The following PCDHGA5 variants were observed in gnomAD, a reference collection of about 807,000 sequenced individuals.
PCDHGA5 encodes the protein protocadherin gamma subfamily A, 5.
Under a neutral mutation model 56.7 loss-of-function variants are expected in PCDHGA5, and 36 were observed. The ratio of observed to expected loss-of-function variants is 0.64; its 90% CI spans 0.49 to 0.84. The LOEUF (loss-of-function observed/expected upper bound fraction) is 0.84. PCDHGA5 is among the 40% of genes least tolerant of loss of function. The pLI is 0.00. For missense variants in PCDHGA5, 1,305 were observed against 1,201.5 expected (o/e 1.09, Z -1.27); for synonymous variants, 563 against 520.2 (o/e 1.08, Z -1.12).
chr5:141,477,512 A>G lies in PCDHGA5; in HGVS notation c.2422-17295A>G. 1.9e-6 allele frequency: 3 copies of G among 1,614,156 alleles called. No homozygotes were observed. Among genetic ancestry groups the G allele is most frequent in the South Asian group, 2.2e-5 (2 of 91,072 alleles). ...TTCTCAATCTTCCTACGACGTTTAC[A>G]TTGAAGAAAACAACCTCCCCGGGGC... On this transcript the variant is annotated intron_variant, in intron 1 of 3. Transcript: ENST00000518069. This position sits in a 1 kb window ranked among gnomAD's most constrained non-coding sequence, Gnocchi z 4.9.
Position 141,432,521 on chromosome 5 carries a change from G to C in PCDHGA5, c.2422-62286G>C. ...CCGCTCCGCAGAGCCCGGCTACCTG[G>C]TGACCAAGGTGGTGGCGGTGGACAG... On this transcript the variant is annotated intron_variant, in intron 1 of 3. Transcript: ENST00000518069. The surrounding 1 kb of genome is among the most constrained non-coding windows in gnomAD (Gnocchi z 6.0). 1.2e-6 allele frequency: 2 copies of C among 1,614,112 alleles called. No individual in the cohort carries two copies. The highest frequency in any genetic ancestry group is 1.7e-6 in the Non-Finnish European group (2 of 1,180,028).
rs751560177 is a variant in PCDHGA5 at position 141,432,962 on chromosome 5, G to T, written c.2422-61845G>T. 7 of 1,614,092 alleles carry T rather than the reference G, an allele frequency of 4.3e-6. No individual in the cohort carries two copies. The highest frequency in any genetic ancestry group is 5.9e-6 in the Non-Finnish European group (7 of 1,180,046). Reference sequence around the variant, plus strand: ...GGCTTCAGGAGGCGGCTTGACAGGAGCGCCGGCGTCGCACTTTGTGGGCGT... The same window carrying T: ...GGCTTCAGGAGGCGGCTTGACAGGATCGCCGGCGTCGCACTTTGTGGGCGT... On this transcript the variant is annotated intron_variant, in intron 1 of 3. Transcript: ENST00000518069. The surrounding 1 kb of genome is among the most constrained non-coding windows in gnomAD (Gnocchi z 6.0).
At chr5:141,409,125 A>AT in intron 1 of PCDHGA5, 1 of 1,613,982 alleles carries the variant, frequency 6.2e-7, no homozygotes, top group African/African-American at 1.3e-5. Flanking sequence ...CAGTCATTTG[A>AT]TTTTGAAGAT....
At chr5:141,367,105 T>G (rs1303290494) in intron 1 of PCDHGA5, 2 of 234,148 alleles carry the variant, frequency 8.5e-6, no homozygotes, top group East Asian at 2.4e-4. Flanking sequence ...AGTGTCTGCC[T>G]AGACACCATT....
intron 1 of PCDHGA5, among the ~76,000 whole-genome samples, chr5:141,463,896 T>C (rs982611169): frequency 2.0e-5 from 3 of 152,192 alleles, no homozygotes; most frequent in African/African-American, 7.2e-5. Flanking sequence ...CCTTGCTTTT[T>C]GTACTAATAA....
At chr5:141,380,251 G>C (rs1158039296) in intron 1 of PCDHGA5, among the ~76,000 whole-genome samples, 1 of 152,122 alleles carries the variant, frequency 6.6e-6, no homozygotes, top group Non-Finnish European at 1.5e-5. Context: ...AATTGTCAAA[G>C]GGGAAGGAGT....
chr5:141,411,765 T>A (rs796485295), intron 1 of PCDHGA5: 1 of 152,418 alleles, frequency 6.6e-6, no homozygotes, highest in South Asian at 2.1e-4. Context: ...GCCTGTGGTC[T>A]CAGCTACTCT....
At chr5:141,370,613 A>G (rs753080361) in intron 1 of PCDHGA5, 6 of 1,613,908 alleles carry the variant, frequency 3.7e-6, no homozygotes, top group Non-Finnish European at 5.1e-6. Context: ...CAGAGAAGAA[A>G]TTCTTTACCG....
At chr5:141,413,089 C>A in intron 1 of PCDHGA5, 1 of 1,401,120 alleles carries the variant, frequency 7.1e-7, no homozygotes, top group Non-Finnish European at 9.7e-7. Context: ...TACAGAGACA[C>A]CCTGAAGCCA....
intron 1 of PCDHGA5, among the ~76,000 whole-genome samples, chr5:141,424,839 A>G (rs1264853498): frequency 6.6e-6 from 1 of 152,198 alleles, no homozygotes; most frequent in Non-Finnish European, 1.5e-5. Context: ...CATACATGTT[A>G]TCTGAAGCAA....
Position 141,431,278 on chromosome 5 carries a change from C to A in PCDHGA5, c.2422-63529C>A, listed in dbSNP as rs755533628. On this transcript the variant is annotated intron_variant, in intron 1 of 3. Transcript: ENST00000518069. The surrounding 1 kb of genome is among the most constrained non-coding windows in gnomAD (Gnocchi z 4.8). ...ACTCTCTGCAGAGCTACGAGCTCAG[C>A]CCGAACACTCACTTCTCCCTCATCG... 6.2e-7 allele frequency: 1 copy of A among 1,614,170 alleles called. No individual in the cohort carries two copies. The highest frequency in any genetic ancestry group is 8.5e-7 in the Non-Finnish European group (1 of 1,180,038).
chr5:141,399,030 G>C, intron 1 of PCDHGA5: 1 of 1,613,824 alleles, frequency 6.2e-7, no homozygotes, highest in Non-Finnish European at 8.5e-7. Flanking sequence ...CCACTCAAAA[G>C]AAACTGGATT....
intron 1 of PCDHGA5, chr5:141,413,345 G>A (rs2095628318): frequency 8.7e-6 from 14 of 1,613,996 alleles, no homozygotes; most frequent in Non-Finnish European, 1.0e-5. Flanking sequence ...AAGGACTTGG[G>A]TCTGGCGCCC....
At chr5:141,394,991 G>C (rs1282662717) in intron 1 of PCDHGA5, 1 of 1,614,012 alleles carries the variant, frequency 6.2e-7, no homozygotes, top group East Asian at 2.2e-5. Flanking sequence ...GCCTGCTCCA[G>C]GATTCCGGTG....
chr5:141,417,528 A>G, intron 1 of PCDHGA5: 1 of 277,368 alleles, frequency 3.6e-6, no homozygotes, highest in Non-Finnish European at 6.7e-6. Context: ...GTCAACTCGT[A>G]GTTTAAAAAA....
intron 1 of PCDHGA5, among the ~76,000 whole-genome samples, chr5:141,405,967 G>A (rs76683972): frequency 6.6e-6 from 1 of 152,068 alleles, no homozygotes; most frequent in Non-Finnish European, 1.5e-5. Flanking sequence ...TGCTGTCAAC[G>A]TAAACCATAC....
At position 141,427,625 on chromosome 5, in the gene PCDHGA5, T is replaced by G. The variant is rs150347956; in HGVS notation, c.2421+60874T>G. On this transcript the variant is annotated intron_variant, in intron 1 of 3. Coordinates refer to ENST00000518069, the MANE Select transcript of PCDHGA5 (RefSeq NM_018918.3). Reference sequence around the variant, plus strand: ...GCATTGGTGAAGTCAACGACAATGCTCCGGTTTTCCACCAAGTCTCCTACG... The same window carrying G: ...GCATTGGTGAAGTCAACGACAATGCGCCGGTTTTCCACCAAGTCTCCTACG... The G allele has an allele frequency of 2.7e-3, 1,907 of 699,068 alleles. 5 individuals are homozygous for G. The highest frequency in any genetic ancestry group is 4.1e-3 in the Non-Finnish European group (1,558 of 384,098). The allele number at this position is 699,068 out of a possible 1,614,324, so 43.3% of individuals were successfully genotyped here.
chr5:141,487,485 G>A lies in PCDHGA5; in HGVS notation c.2422-7322G>A. On this transcript the variant is annotated intron_variant, in intron 1 of 3. Transcript: ENST00000518069. The surrounding 1 kb of genome is among the most constrained non-coding windows in gnomAD (Gnocchi z 5.0). ...GTTGATGTGGGAGGCCACTCTCATG[G>A]CTGTACACCCTTGGCTTCTGCACCC... The A allele has an allele frequency of 6.2e-7, 1 of 1,614,164 alleles. No homozygotes were observed. Among genetic ancestry groups the A allele is most frequent in the Non-Finnish European group, 8.5e-7 (1 of 1,180,030 alleles).
chr5:141,490,566 C>T lies in PCDHGA5; in HGVS notation c.2422-4241C>T. 3 of 1,614,132 alleles carry T rather than the reference C, an allele frequency of 1.9e-6. No homozygotes were observed. Among genetic ancestry groups the T allele is most frequent in the Non-Finnish European group, 2.5e-6 (3 of 1,180,028 alleles). On this transcript the variant is annotated intron_variant, in intron 1 of 3. Transcript: ENST00000518069. This position sits in a 1 kb window ranked among gnomAD's most constrained non-coding sequence, Gnocchi z 5.4. ...TACACAAACATCTCACCATCAGGCT[C>T]AACATTTCAGATGTCAATGACAATG...
Sources: allele counts gnomAD v4.1 joint callset (sites outside exome capture counted in the v4.1 genomes callset), GRCh38; gene constraint gnomAD v4.1.1; non-coding constraint Gnocchi (gnomAD v3.1); transcripts MANE v1.5; gene names NCBI Gene and HGNC (gene_info 2026-07-23, HGNC 2026-07-21).